The following GRHL2 variants were observed in gnomAD, a reference collection of about 807,000 sequenced individuals.
The protein encoded by GRHL2 is grainyhead like transcription factor 2.
Under a neutral mutation model 83.8 loss-of-function variants are expected in GRHL2, and 21 were observed. The ratio of observed to expected loss-of-function variants is 0.25; its 90% CI spans 0.18 to 0.36. GRHL2 has a LOEUF of 0.36. Among genes scored for constraint, GRHL2 ranks in the 10% least tolerant of loss-of-function variants. The probability of loss-of-function intolerance (pLI) is 1.00; values close to 1 mark genes in which losing one functional copy is unlikely to be tolerated. For missense variants in GRHL2, 623 were observed against 781.8 expected (o/e 0.80, Z 2.42); for synonymous variants, 280 against 278.9 (o/e 1.00, Z -0.04).
chr8:101,540,545 C>A lies in GRHL2; in HGVS notation c.21-2696C>A, dbSNP rs533550541. ...CAAAGAGCCTGACTCAGAGGCCTAG[C>A]GACCGGAATTCCACTCTGCTAAACG... is the stretch of plus-strand genomic sequence containing the variant. On this transcript the variant is annotated intron_variant, in intron 1 of 15. Coordinates refer to ENST00000646743, the MANE Select transcript of GRHL2 (RefSeq NM_024915.4). Among the ~76,000 whole-genome samples, 4 of 152,310 alleles carry A rather than the reference C, an allele frequency of 2.6e-5. No homozygotes were observed. The South Asian group carries it at 8.3e-4, about 32-fold the overall frequency.
At chr8:101,548,655 G>A (rs1811315464) in intron 2 of GRHL2, among the ~76,000 whole-genome samples, 1 of 152,194 alleles carries the variant, frequency 6.6e-6, no homozygotes, top group Non-Finnish European at 1.5e-5. Flanking sequence ...TGTCCAGGTA[G>A]GGACATCTAG....
Position 101,492,707 on chromosome 8 carries a change from A to G in GRHL2, c.-63A>G. 3.4e-6 allele frequency: 5 copies of G among 1,469,452 alleles called. No individual in the cohort carries two copies. Among genetic ancestry groups the G allele is most frequent in the Non-Finnish European group, 1.9e-6 (2 of 1,047,804 alleles). 91.0% of individuals were successfully genotyped at this position (1,469,452 alleles called of 1,614,324 possible). ...ACACACCTTCACCTGCACAGACTTG[A>G]AAGTCCAGTTTCACCAGAGGCTGAG... is the stretch of plus-strand genomic sequence containing the variant. On this transcript the variant is annotated 5_prime_UTR_variant, in exon 1 of 16. Transcript: ENST00000646743.
At chr8:101,652,811 C>A (rs1813700941) in intron 14 of GRHL2, among the ~76,000 whole-genome samples, 1 of 152,064 alleles carries the variant, frequency 6.6e-6, no homozygotes, top group Admixed American at 6.5e-5. Context: ...ACAAATGAGA[C>A]AACAGAGATC....
intron 9 of GRHL2, among the ~76,000 whole-genome samples, chr8:101,625,806 GTAAATGA>G (rs1319252572): frequency 6.6e-6 from 1 of 152,014 alleles, no homozygotes; most frequent in Non-Finnish European, 1.5e-5. Flanking sequence ...AGAATGTTGG[GTAAATGA>G]TAAGCATTTA....
intron 2 of GRHL2, among the ~76,000 whole-genome samples, chr8:101,551,403 G>A (rs1413651958): frequency 1.3e-5 from 2 of 152,084 alleles, no homozygotes; most frequent in East Asian, 3.9e-4. Flanking sequence ...AGGCAAGCAG[G>A]CTCTAGGTCT....
At position 101,546,825 on chromosome 8, in the gene GRHL2, A is replaced by G. The variant is rs1586081583; in HGVS notation, c.216+3389A>G. Among the ~76,000 whole-genome samples, 4 of 152,348 alleles carry G rather than the reference A, an allele frequency of 2.6e-5. No individual in the cohort carries two copies. The South Asian group carries it at 8.3e-4, about 32-fold the overall frequency. Reference sequence around the variant, plus strand: ...TACTAGTAAATATGGTACCCAGATTACTTGTCCTCTTATGCTAGCATTTAA... The same window carrying G: ...TACTAGTAAATATGGTACCCAGATTGCTTGTCCTCTTATGCTAGCATTTAA... On this transcript the variant is annotated intron_variant, in intron 2 of 15. Transcript: ENST00000646743.
chr8:101,551,417 C>G (rs1811377225), intron 2 of GRHL2, among the ~76,000 whole-genome samples: 1 of 152,054 alleles, frequency 6.6e-6, no homozygotes, highest in Admixed American at 6.6e-5. Context: ...TAGGTCTGGA[C>G]TCTTGGTCAC....
In GRHL2 at chr8:101,551,588, T is replaced by G. The variant is rs149139463; in HGVS notation, c.217-1127T>G. 2.7e-3 allele frequency among the ~76,000 whole-genome samples: 408 copies of G among 151,620 alleles called. 3 individuals are homozygous for G. The highest frequency in any genetic ancestry group is 9.6e-3 in the African/African-American group (394 of 41,204). The stretch of plus-strand genomic sequence containing the variant: ...GGCTGCTTTTTGGGTGCAAAGGAGT[T>G]TGGCTAGAAGGAAGATCTGGAGATA... On this transcript the variant is annotated intron_variant, in intron 2 of 15. Transcript: ENST00000646743.
chr8:101,658,078 T>C (rs1813837839), intron 14 of GRHL2, among the ~76,000 whole-genome samples: 1 of 152,136 alleles, frequency 6.6e-6, no homozygotes, highest in Non-Finnish European at 1.5e-5. Flanking sequence ...GGTTCTGAAT[T>C]TGGCAAAGCG....
the GRHL2 span, among the ~76,000 whole-genome samples, chr8:101,677,369 A>G: frequency 0.017 from 2,647 of 152,002 alleles, 70 homozygotes; most frequent in South Asian, 0.082. Flanking sequence ...TTTTCAAGGC[A>G]TTGGCTGTGA....
chr8:101,497,421 A>G (rs1810130415), intron 1 of GRHL2, among the ~76,000 whole-genome samples: 1 of 152,250 alleles, frequency 6.6e-6, no homozygotes, highest in South Asian at 2.1e-4. Flanking sequence ...CTGGAGGAAC[A>G]CTGCATAGCA....
At chr8:101,498,178 G>A (rs1810146581) in intron 1 of GRHL2, among the ~76,000 whole-genome samples, 1 of 152,184 alleles carries the variant, frequency 6.6e-6, no homozygotes, top group African/African-American at 2.4e-5. Flanking sequence ...GAGTGCACTG[G>A]CACAATCTTG....
chr8:101,627,643 T>C (rs915628540), intron 9 of GRHL2, among the ~76,000 whole-genome samples: 1 of 152,082 alleles, frequency 6.6e-6, no homozygotes, highest in Admixed American at 6.6e-5. Context: ...ATAATTAAGC[T>C]TAGGGAGGAA....
At chr8:101,613,627 A>G (rs967864866) in intron 8 of GRHL2, among the ~76,000 whole-genome samples, 2 of 151,146 alleles carry the variant, frequency 1.3e-5, no homozygotes, top group Admixed American at 1.3e-4. Context: ...CACAAATACA[A>G]TCCTATCAAA....
intron 6 of GRHL2, among the ~76,000 whole-genome samples, chr8:101,574,060 G>A (rs1010023336): frequency 9.8e-5 from 15 of 152,292 alleles, no homozygotes; most frequent in East Asian, 9.7e-4. Flanking sequence ...GACTGTATCC[G>A]AGGAATTTTC....
At chr8:101,676,900 T>C in the GRHL2 span, among the ~76,000 whole-genome samples, 1 of 152,250 alleles carries the variant, frequency 6.6e-6, no homozygotes, top group Non-Finnish European at 1.5e-5. Flanking sequence ...GATGAGTTCA[T>C]GTCCTTTGTA....
intron 9 of GRHL2, among the ~76,000 whole-genome samples, chr8:101,626,883 G>A (rs146171261): frequency 1.3e-5 from 2 of 152,140 alleles, no homozygotes; most frequent in African/African-American, 4.8e-5. Context: ...TTACTTTAAT[G>A]GAATGTATCG....
At chr8:101,670,115 T>A (rs1158432198), downstream of GRHL2, among the ~76,000 whole-genome samples, 2 of 152,210 alleles carry the variant, frequency 1.3e-5, no homozygotes, top group Non-Finnish European at 2.9e-5. Context: ...GCATGGAGGC[T>A]GAAACCATGT....
chr8:101,601,900 T>C (rs987965728), intron 8 of GRHL2, among the ~76,000 whole-genome samples: 1 of 152,192 alleles, frequency 6.6e-6, no homozygotes, highest in Non-Finnish European at 1.5e-5. Flanking sequence ...TATCAACCCA[T>C]CATCTAGGTT....
Sources: allele counts gnomAD v4.1 joint callset (sites outside exome capture counted in the v4.1 genomes callset), GRCh38; gene constraint gnomAD v4.1.1; transcripts MANE v1.5; gene names NCBI Gene and HGNC (gene_info 2026-07-23, HGNC 2026-07-21).